Variants in GSTM3 observed in about 807,000 individuals in gnomAD.
GSTM3 encodes glutathione S-transferase mu 3.
GSTM3 carries 34 observed loss-of-function variants against 36.1 expected under a neutral mutation model. That is an observed-to-expected ratio of 0.94 (90% CI 0.72 to 1.25). The LOEUF (loss-of-function observed/expected upper bound fraction) is 1.25, where lower values mean the gene tolerates loss of function less well. Among genes scored for constraint, GSTM3 ranks in the 50% most tolerant of loss-of-function variants. The pLI is 0.00. For missense variants in GSTM3, 266 were observed against 281.6 expected, an observed-to-expected ratio of 0.94 and a Z score of 0.40; for synonymous variants, 102 against 99.5, an observed-to-expected ratio of 1.03 and a Z score of -0.15.
chr1:109,740,345 T>A lies in GSTM3; in HGVS notation c.-58A>T. The stretch of plus-strand genomic sequence containing the variant: ...GAAACTGTGAGCGGGAGGGGCTTTA[T>A]ACCCGACATAAGGGGGCGGGGCCCA... On this transcript the variant is annotated 5_prime_UTR_variant, in exon 2 of 9. Transcript: ENST00000361066. 1 of 1,519,266 alleles carries A rather than the reference T, an allele frequency of 6.6e-7. No homozygotes were observed. The highest frequency in any genetic ancestry group is 9.1e-7 in the Non-Finnish European group (1 of 1,100,510). The allele number at this position is 1,519,266 out of a possible 1,614,324, so 94.1% of individuals were successfully genotyped here.
Position 109,739,898 on chromosome 1 carries a change from G to A in GSTM3, c.59C>T (p.Ala20Val). The A allele has an allele frequency of 1.3e-6, 2 of 1,554,236 alleles. No homozygotes were observed. Among genetic ancestry groups the A allele is most frequent in the Non-Finnish European group, 8.7e-7 (1 of 1,147,930 alleles). The change falls in exon 3 of 9, where the codon GCC becomes GTC. Residue 20 changes from alanine (A) to valine (V), a missense_variant. By Grantham distance (64) the Ala-to-Val change is moderately conservative (BLOSUM62 0). Coordinates refer to ENST00000361066, the MANE Select transcript of GSTM3 (RefSeq NM_000849.5). ...CGTGAACTCCAGGAGCAGGCGGATG[G>A]CGTGCGCCAGCTGGGGAAGACAGCG... is the stretch of plus-strand genomic sequence containing the variant. Reference protein sequence around the residue: ...GYWDIRGLAHAIRLLLEFTDT... With the variant: ...GYWDIRGLAHVIRLLLEFTDT...
chr1:109,739,028 G>A (rs1394989071), intron 4 of GSTM3, among the ~76,000 whole-genome samples: 1 of 152,164 alleles, frequency 6.6e-6, no homozygotes, highest in African/African-American at 2.4e-5. Flanking sequence ...GGCTGAGGTG[G>A]GAGGACTGCT....
intron 3 of GSTM3, 41 bp from the exon 4 acceptor site, chr1:109,739,534 AC>A: frequency 1.4e-6 from 2 of 1,397,888 alleles, no homozygotes; most frequent in Non-Finnish European, 2.0e-6. Context: ...CCTCCTTAAT[AC>A]CCCACCTGAC....
rs952182905 is a variant in GSTM3 at position 109,736,816 on chromosome 1, C to T, written c.*255G>A. 3 of 434,932 alleles carry T rather than the reference C, an allele frequency of 6.9e-6. No individual in the cohort carries two copies. Among genetic ancestry groups the T allele is most frequent in the Non-Finnish European group, 1.2e-5 (3 of 240,474 alleles). The allele number at this position is 434,932 out of a possible 1,614,324, so 26.9% of individuals were successfully genotyped here. On this transcript the variant is annotated 3_prime_UTR_variant, in exon 9 of 9. Coordinates refer to ENST00000361066, the MANE Select transcript of GSTM3 (RefSeq NM_000849.5). The stretch of plus-strand genomic sequence containing the variant: ...GTGCAATCTCGTTTTTTCTAGTACC[C>T]ACTCTCAGGGCTTGGGCATGAACCT...
chr1:109,739,903 C>T lies in GSTM3; in HGVS notation c.54G>A (p.Ala18=). Residue 18 remains alanine, a synonymous_variant, in exon 3 of 9, where the codon GCG becomes GCA. Transcript: ENST00000361066. ...VLGYWDIRGL[A]HAIRLLLEFT... is the part of the protein sequence containing the mutation. Reference sequence around the variant, plus strand: ...ACTCCAGGAGCAGGCGGATGGCGTGCGCCAGCTGGGGAAGACAGCGGTTCA... The same window carrying T: ...ACTCCAGGAGCAGGCGGATGGCGTGTGCCAGCTGGGGAAGACAGCGGTTCA... 6.4e-7 allele frequency: 1 copy of T among 1,553,806 alleles called. No individual in the cohort carries two copies. Among genetic ancestry groups the T allele is most frequent in the Non-Finnish European group, 8.7e-7 (1 of 1,147,598 alleles).
rs1205684080 is a variant in GSTM3 at position 109,734,302 on chromosome 1, T to A, written c.*2769A>T. On this transcript the variant is annotated 3_prime_UTR_variant, in exon 9 of 9. Coordinates refer to ENST00000361066, the MANE Select transcript of GSTM3 (RefSeq NM_000849.5). ...TGTGCCCGCACCAAAGTTGGGATGG[T>A]CACTTCTGAGCAACATCCTAGCTTA... 6.6e-6 allele frequency: 1 copy of A among 152,212 alleles called. No homozygotes were observed. Among genetic ancestry groups the A allele is most frequent in the East Asian group, 1.9e-4 (1 of 5,200 alleles). The allele number at this position is 152,212 out of a possible 1,614,324, so 9.4% of individuals were successfully genotyped here.
rs546724274 is a variant in GSTM3, at chr1:109,740,778, C to G, written c.-225+175G>C. On this transcript the variant is annotated intron_variant, in intron 1 of 8. Coordinates refer to ENST00000361066, the MANE Select transcript of GSTM3 (RefSeq NM_000849.5). ...CAGAAGATTCCCCACAGACCAAGCT[C>G]CCCTCTCTGTCAGTCAAGGACCTCT... Among the ~76,000 whole-genome samples, 3 of 152,332 alleles carry G rather than the reference C, an allele frequency of 2.0e-5. No homozygotes were observed. In the East Asian group the frequency reaches 5.8e-4, roughly 29 times the overall value.
In GSTM3 at chr1:109,740,246, A is replaced by G. The variant is rs761554204; in HGVS notation, c.42T>C (p.Ile14=). ...ESSMVLGYWD[I]RGLAHAIRLL... ...CCGTTGAGACGGCACTCACCCCACG[A>G]ATATCCCAGTACCCGAGAACCATAG... is the stretch of plus-strand genomic sequence containing the variant. Residue 14 remains isoleucine (I), a synonymous_variant, in exon 2 of 9, where the codon ATT becomes ATC. Transcript: ENST00000361066. 1 of 1,613,526 alleles carries G rather than the reference A, an allele frequency of 6.2e-7. No individual in the cohort carries two copies. The highest frequency in any genetic ancestry group is 8.5e-7 in the Non-Finnish European group (1 of 1,179,610).
intron 8 of GSTM3, 102 bp from the exon 9 acceptor site, chr1:109,737,271 A>G: frequency 2.2e-6 from 2 of 895,096 alleles, no homozygotes; most frequent in Non-Finnish European, 3.7e-6. Flanking sequence ...TACCTCCTCC[A>G]TTTTTTTGTA....
At position 109,734,325 on chromosome 1, in the gene GSTM3, T is replaced by C. The variant is rs1013687009; in HGVS notation, c.*2746A>G. On this transcript the variant is annotated 3_prime_UTR_variant, in exon 9 of 9. Coordinates refer to ENST00000361066, the MANE Select transcript of GSTM3 (RefSeq NM_000849.5). ...GGTCACTTCTGAGCAACATCCTAGC[T>C]TAAGGGTAACTTCTTCCGTTTTTCC... is the stretch of plus-strand genomic sequence containing the variant. 1 of 152,226 alleles carries C rather than the reference T, an allele frequency of 6.6e-6. No individual in the cohort carries two copies. The highest frequency in any genetic ancestry group is 1.5e-5 in the Non-Finnish European group (1 of 68,038). The allele number at this position is 152,226 out of a possible 1,614,324, so 9.4% of individuals were successfully genotyped here.
rs1355712522 is a variant in GSTM3, at chr1:109,736,038, C to A, written c.*1033G>T. 1 of 152,140 alleles carries A rather than the reference C, an allele frequency of 6.6e-6. No individual in the cohort carries two copies. Among genetic ancestry groups the A allele is most frequent in the African/African-American group, 2.4e-5 (1 of 41,426 alleles). 9.4% of individuals were successfully genotyped at this position (152,140 alleles called of 1,614,324 possible). ...GTAGCTATACTAATTTACAACTTGA[C>A]CAGCAGGAAATGCATATCACTTTCC... is the stretch of plus-strand genomic sequence containing the variant. On this transcript the variant is annotated 3_prime_UTR_variant, in exon 9 of 9. Transcript: ENST00000361066.
chr1:109,740,125 G>A, intron 2 of GSTM3, 115 bp downstream of exon 2: 1 of 1,036,964 alleles, frequency 9.6e-7, no homozygotes, highest in Middle Eastern at 2.0e-4. Context: ...TGGCTCGGCA[G>A]CTCGAAAAGG....
rs368440304 is a variant in GSTM3, at chr1:109,738,112, C to A, written c.351G>T (p.Arg117Ser). The change falls in exon 6 of 9, where the codon AGG (arginine) becomes AGT (serine). Residue 117 changes from arginine (R) to serine (S), a missense_variant. Arg to Ser is a moderately radical substitution (Grantham distance 110). Transcript: ENST00000361066. ...QVMDFRTQLI[R>S]LCYSSDHEKL... ...TCACGTGGTCAGAGCTGTAACAGAG[C>A]CTTATCAGTTGTGTGCGGAAATCCA... The A allele has an allele frequency of 1.9e-6, 3 of 1,612,302 alleles. No homozygotes were observed. Among genetic ancestry groups the A allele is most frequent in the Non-Finnish European group, 2.5e-6 (3 of 1,178,322 alleles).
rs988309768 is a variant in GSTM3, at chr1:109,734,193, G to A, written c.*2878C>T. 10 of 152,200 alleles carry A rather than the reference G, an allele frequency of 6.6e-5. No individual in the cohort carries two copies. The highest frequency in any genetic ancestry group is 5.9e-4 in the Admixed American group (9 of 15,286). 9.4% of individuals were successfully genotyped at this position (152,200 alleles called of 1,614,324 possible). On this transcript the variant is annotated 3_prime_UTR_variant, in exon 9 of 9. Coordinates refer to ENST00000361066, the MANE Select transcript of GSTM3 (RefSeq NM_000849.5). The stretch of plus-strand genomic sequence containing the variant: ...ATGAGTGCCTAAGCAAAACCCATGG[G>A]GGTGCTAAAACCACAATGCTAATGT...
chr1:109,740,227 A>T lies in GSTM3; in HGVS notation c.48+13T>A. The T allele has an allele frequency of 2.5e-6, 4 of 1,611,700 alleles. No homozygotes were observed. Among genetic ancestry groups the T allele is most frequent in the Non-Finnish European group, 3.4e-6 (4 of 1,178,148 alleles). On this transcript the variant is annotated intron_variant, in intron 2 of 8. Coordinates refer to ENST00000361066, the MANE Select transcript of GSTM3 (RefSeq NM_000849.5). ...CTTTGACCGAGCGGCTCTACCGTTGAGACGGCACTCACCCCACGAATATCC... is the reference window on the plus strand; with the variant it reads ...CTTTGACCGAGCGGCTCTACCGTTGTGACGGCACTCACCCCACGAATATCC...
Position 109,740,242 on chromosome 1 carries a change from C to T in GSTM3, c.46G>A (p.Gly16Arg), listed in dbSNP as rs1649332021. 2 of 1,613,254 alleles carry T rather than the reference C, an allele frequency of 1.2e-6. No homozygotes were observed. Among genetic ancestry groups the T allele is most frequent in the African/African-American group, 1.3e-5 (1 of 74,922 alleles). Residue 16 changes from glycine to arginine, a missense_variant and splice_region_variant, in exon 2 of 9, where the codon GGG (glycine) becomes AGG (arginine). Physicochemically the swap from Gly to Arg is moderately radical, Grantham distance 125. Coordinates refer to ENST00000361066, the MANE Select transcript of GSTM3 (RefSeq NM_000849.5). The part of the protein sequence containing the change: ...SMVLGYWDIR[G>R]LAHAIRLLLE... ...TCTACCGTTGAGACGGCACTCACCC[C>T]ACGAATATCCCAGTACCCGAGAACC...
In GSTM3 at chr1:109,737,635, CTTCTT is replaced by C. The variant is rs1557979285; in HGVS notation, c.468+16_468+20del. On this transcript the variant is annotated intron_variant, in intron 7 of 8. Coordinates refer to ENST00000361066, the MANE Select transcript of GSTM3 (RefSeq NM_000849.5). ...GCCTGCAGAGATAGAGAAGTATCCT[CTTCTT>C]TTCCCTTCTTCCTACCTTTTCCCCG... 1 of 1,559,506 alleles carries C rather than the reference CTTCTT, an allele frequency of 6.4e-7. No homozygotes were observed. Among genetic ancestry groups the C allele is most frequent in the Non-Finnish European group, 8.8e-7 (1 of 1,132,786 alleles).
In GSTM3 at chr1:109,738,093, G is replaced by A; in HGVS notation, c.370C>T (p.His124Tyr). 1 of 1,601,660 alleles carries A rather than the reference G, an allele frequency of 6.2e-7. No homozygotes were observed. The highest frequency in any genetic ancestry group is 1.1e-5 in the South Asian group (1 of 90,778). The change falls in exon 6 of 9, where the codon CAC (histidine) becomes TAC (tyrosine). Residue 124 changes from histidine to tyrosine, a missense_variant and splice_region_variant. His to Tyr is a moderately conservative substitution (Grantham distance 83, BLOSUM62 2). Transcript: ENST00000361066. ...AGATGTGTGCTAAGGAAACTCACGTGGTCAGAGCTGTAACAGAGCCTTATC... is the reference window on the plus strand; with the variant it reads ...AGATGTGTGCTAAGGAAACTCACGTAGTCAGAGCTGTAACAGAGCCTTATC... The part of the protein sequence containing the change: ...QLIRLCYSSD[H>Y]EKLKPQYLEE...
intron 6 of GSTM3, 52 bp from the exon 7 acceptor site, chr1:109,737,803 C>A: frequency 8.9e-7 from 1 of 1,118,110 alleles, no homozygotes; most frequent in Non-Finnish European, 1.3e-6. Context: ...TGTAGTTAAT[C>A]AGGGCACAGG....
Sources: gnomAD v4.1 joint callset for allele counts (sites outside exome capture counted in the v4.1 genomes callset) on GRCh38, gnomAD v4.1.1 for gene constraint, MANE v1.5 for transcripts, NCBI Gene and HGNC (gene_info 2026-07-23, HGNC 2026-07-21) for gene names.